MCC: variants seen among roughly 807,000 people sequenced by gnomAD.
MCC encodes the protein colorectal mutant cancer protein.
Under a neutral mutation model 116.2 loss-of-function variants are expected in MCC, and 90 were observed. The observed-to-expected ratio is 0.77, with a 90% confidence interval of 0.65 to 0.92. MCC has a LOEUF of 0.92. Ranked by LOEUF, MCC falls within the 40% of genes least tolerant of loss-of-function variation. MCC has a pLI of 0.00. For missense variants in MCC, 1,516 were observed against 1,312.2 expected (o/e 1.16, Z -2.40); for synonymous variants, 578 against 510.5 (o/e 1.13, Z -1.78).
At chr5:113,034,109 A>C (rs547880308) in intron 17 of MCC, among the ~76,000 whole-genome samples, 1 of 138,076 alleles carries the variant, frequency 7.2e-6, no homozygotes, top group South Asian at 2.3e-4. Flanking sequence ...TATGTTGCCC[A>C]GGCTGGTTGC....
At chr5:113,108,104 G>A (rs1756855075) in intron 6 of MCC, among the ~76,000 whole-genome samples, 1 of 152,056 alleles carries the variant, frequency 6.6e-6, no homozygotes, top group African/African-American at 2.4e-5. Context: ...CAGCACTTTG[G>A]GAGGCCGAGG....
intron 3 of MCC, among the ~76,000 whole-genome samples, chr5:113,201,890 C>T (rs1762696957): frequency 6.6e-6 from 1 of 152,094 alleles, no homozygotes; most frequent in Non-Finnish European, 1.5e-5. Flanking sequence ...CCTGTCCCGC[C>T]ATCCAAGTAA....
intron 3 of MCC, among the ~76,000 whole-genome samples, chr5:113,167,170 A>G (rs2150301118): frequency 6.6e-6 from 1 of 152,274 alleles, no homozygotes; most frequent in Admixed American, 6.5e-5. Flanking sequence ...GTGAGTCAAC[A>G]CACACAGAAC....
At chr5:113,420,738 C>A (rs187870635) in intron 1 of MCC, among the ~76,000 whole-genome samples, 1 of 152,236 alleles carries the variant, frequency 6.6e-6, no homozygotes, top group East Asian at 1.9e-4. Flanking sequence ...TGCCATTAAG[C>A]CTATTAACCC....
intron 3 of MCC, among the ~76,000 whole-genome samples, chr5:113,283,084 G>A (rs1226017827): frequency 6.6e-6 from 1 of 152,232 alleles, no homozygotes; most frequent in Non-Finnish European, 1.5e-5. Context: ...GCATCAGAAT[G>A]CTTCTTATTC....
At chr5:113,276,568 T>A (rs1765831886) in intron 3 of MCC, among the ~76,000 whole-genome samples, 1 of 152,184 alleles carries the variant, frequency 6.6e-6, no homozygotes, top group Admixed American at 6.5e-5. Flanking sequence ...CCTACATACT[T>A]ACTCAGTCGT....
At chr5:113,172,870 TC>T (rs1761144793) in intron 3 of MCC, among the ~76,000 whole-genome samples, 1 of 148,166 alleles carries the variant, frequency 6.7e-6, no homozygotes, top group Non-Finnish European at 1.5e-5. Context: ...TGTAGATATA[TC>T]ACATATTTTT....
At chr5:113,044,602 T>A in intron 16 of MCC, 2 of 379,128 alleles carry the variant, frequency 5.3e-6, no homozygotes, top group Non-Finnish European at 7.2e-6. Flanking sequence ...GAGATGGAGT[T>A]TTGCTCTCGT....
At chr5:113,333,846 T>TATATACATATATGTACATATGTAC (rs1469058009) in intron 3 of MCC, among the ~76,000 whole-genome samples, 1 of 62,640 alleles carries the variant, frequency 1.6e-5, no homozygotes, top group South Asian at 4.4e-4. Flanking sequence ...TATATATGTA[T>TATATACATATATGTACATATGTAC]ATATGTACAT....
chr5:113,093,296 A>G (rs964937293), intron 8 of MCC, among the ~76,000 whole-genome samples: 1 of 152,150 alleles, frequency 6.6e-6, no homozygotes, highest in Admixed American at 6.5e-5. Flanking sequence ...AAAGCCAGGC[A>G]TGGTGGTGCG....
chr5:113,293,703 G>A (rs892037240), intron 3 of MCC, among the ~76,000 whole-genome samples: 1 of 152,154 alleles, frequency 6.6e-6, no homozygotes, highest in African/African-American at 2.4e-5. Flanking sequence ...GGGAGCCCAG[G>A]AATTGCAAAT....
chr5:113,032,408 CAAAAAAAAAA>C (rs376957827), intron 17 of MCC, among the ~76,000 whole-genome samples: 2 of 63,344 alleles, frequency 3.2e-5, no homozygotes, highest in African/African-American at 9.7e-5. Flanking sequence ...AACTCTGTAT[CAAAAAAAAAA>C]AAAAAAAAAA....
chr5:113,065,422 T>C (rs28754860), intron 13 of MCC, among the ~76,000 whole-genome samples: 15,165 of 152,186 alleles, frequency 0.1, 842 homozygotes, highest in African/African-American at 0.15. Context: ...AACAAATCAC[T>C]GGTTTGCTAC....
intron 2 of MCC, among the ~76,000 whole-genome samples, chr5:113,358,595 C>T (rs1340766093): frequency 1.3e-5 from 2 of 152,114 alleles, no homozygotes; most frequent in South Asian, 2.1e-4. Context: ...CTTTAGAGTA[C>T]ATTGCCTAAT....
At chr5:113,080,702 A>G (rs1033044538) in intron 11 of MCC, among the ~76,000 whole-genome samples, 2 of 152,112 alleles carry the variant, frequency 1.3e-5, no homozygotes, top group Non-Finnish European at 2.9e-5. Flanking sequence ...TACCTAATGT[A>G]AATGATGAGT....
intron 17 of MCC, 53 bp from the exon 18 acceptor site, chr5:113,029,109 G>T: frequency 6.5e-7 from 1 of 1,543,680 alleles, no homozygotes; most frequent in East Asian, 2.3e-5. Flanking sequence ...GATGCTGGAG[G>T]TGCCCACTCC....
intron 2 of MCC, among the ~76,000 whole-genome samples, chr5:113,374,608 C>T (rs147973296): frequency 2.5e-3 from 376 of 152,194 alleles, no homozygotes; most frequent in Middle Eastern, 6.8e-3. Flanking sequence ...GTTAATTCTA[C>T]GCCATATTTG....
chr5:113,081,890 A>C (rs1016423186), intron 11 of MCC, among the ~76,000 whole-genome samples: 2 of 152,240 alleles, frequency 1.3e-5, no homozygotes, highest in Non-Finnish European at 2.9e-5. Flanking sequence ...GGAATTAAGC[A>C]ACAGCGGATG....
chr5:113,061,826 A>G (rs188782501), intron 14 of MCC, among the ~76,000 whole-genome samples: 2 of 152,344 alleles, frequency 1.3e-5, no homozygotes, highest in East Asian at 1.9e-4. Context: ...TGGGCCACAT[A>G]AAGCTCCAAC....
Sources: gnomAD v4.1 joint callset for allele counts (sites outside exome capture counted in the v4.1 genomes callset) on GRCh38, gnomAD v4.1.1 for gene constraint, MANE v1.5 for transcripts, NCBI Gene and HGNC (gene_info 2026-07-23, HGNC 2026-07-21) for gene names.